Variants in MADD observed in about 807,000 individuals in gnomAD.
The protein encoded by MADD is MAP kinase activating death domain.
Under a neutral mutation model 176.7 loss-of-function variants are expected in MADD, and 109 were observed. The observed-to-expected ratio is 0.62, with a 90% CI of 0.53 to 0.72. The LOEUF (loss-of-function observed/expected upper bound fraction) is 0.72. MADD is among the 30% of genes least tolerant of loss of function. MADD has a pLI of 0.00. For synonymous variants in MADD, 771 were observed against 771.3 expected (o/e 1.00, Z 0.01); for missense variants, 1,914 against 2,045.5 (o/e 0.94, Z 1.24).
At chr11:47,319,366 TAA>T (rs750577971) in intron 27 of MADD, among the ~76,000 whole-genome samples, 1 of 151,694 alleles carries the variant, frequency 6.6e-6, no homozygotes, top group Non-Finnish European at 1.5e-5. Flanking sequence ...CTCCTGACCT[TAA>T]GTGATCCGTC....
intron 25 of MADD, among the ~76,000 whole-genome samples, chr11:47,310,632 G>A (rs555424631): frequency 3.3e-5 from 5 of 151,940 alleles, no homozygotes; most frequent in Non-Finnish European, 7.4e-5. Context: ...AGGACCAGGC[G>A]CGGTGGCTCA....
At position 47,303,659 on chromosome 11, in the gene MADD, G is replaced by A. The variant is rs1467615878; in HGVS notation, c.3643-4932G>A. On this transcript the variant is annotated intron_variant, in intron 22 of 32. Coordinates refer to ENST00000402192, the Ensembl canonical transcript of MADD. Reference sequence around the variant, plus strand: ...CTCACTCTGTCACCCAGGCTGGAGTGTAGTAGTGTGATCTCAGCTCACTGC... The same window carrying A: ...CTCACTCTGTCACCCAGGCTGGAGTATAGTAGTGTGATCTCAGCTCACTGC... Among the ~76,000 whole-genome samples, 4 of 145,678 alleles carry A rather than the reference G, an allele frequency of 2.7e-5. No individual in the cohort carries two copies. The Admixed American group carries it at 2.8e-4, about 10-fold the overall frequency.
chr11:47,278,604 G>A (rs59567949), intron 6 of MADD, among the ~76,000 whole-genome samples: 40,348 of 151,896 alleles, frequency 0.27, 6,422 homozygotes, highest in East Asian at 0.6. Context: ...TTTCCCTGGG[G>A]TATAGTTTCC....
chr11:47,315,509 C>A (rs757845967), intron 27 of MADD, among the ~76,000 whole-genome samples, 182 bp downstream of exon 30: 12 of 152,178 alleles, frequency 7.9e-5, no homozygotes, highest in Admixed American at 5.2e-4. Flanking sequence ...GTGTCTCGCT[C>A]TGTCACCCAG....
chr11:47,287,210 T>A (rs2061329301), intron 15 of MADD, among the ~76,000 whole-genome samples: 1 of 152,060 alleles, frequency 6.6e-6, no homozygotes, highest in Non-Finnish European at 1.5e-5. Context: ...TAATCCCAGC[T>A]ACTTGGGAGG....
At chr11:47,321,860 T>G (rs2094526708) in intron 27 of MADD, among the ~76,000 whole-genome samples, 1 of 151,968 alleles carries the variant, frequency 6.6e-6, no homozygotes, top group Admixed American at 6.6e-5. Flanking sequence ...ATAGCAGACT[T>G]AAAAGGAGGA....
chr11:47,281,372 G>A (rs577050458), intron 7 of MADD, among the ~76,000 whole-genome samples: 4 of 152,338 alleles, frequency 2.6e-5, no homozygotes, highest in African/African-American at 7.2e-5. Context: ...CTAAAGGCTA[G>A]AATATTGGGA....
chr11:47,273,137 T>C (rs1367319735), intron 1 of MADD, among the ~76,000 whole-genome samples: 2 of 152,244 alleles, frequency 1.3e-5, no homozygotes, highest in African/African-American at 2.4e-5. Context: ...GACCTAGAAG[T>C]GCAGGTTAGT....
chr11:47,276,797 C>T lies in MADD; in HGVS notation c.1029C>T (p.Ile343=), dbSNP rs374625071. 6.8e-6 allele frequency: 11 copies of T among 1,614,052 alleles called. No homozygotes were observed. The African/African-American group carries it at 1.5e-4, about 22-fold the overall frequency. ...CTGTGATGGCATTCGTGGCAATGAT[C>T]TACCCACTGGAGTATATGTTTCCTG... is the stretch of plus-strand genomic sequence containing the variant. Residue 343 remains isoleucine (I), a synonymous_variant, in exon 5 of 33, where the codon ATC becomes ATT. Coordinates refer to ENST00000402192, the Ensembl canonical transcript of MADD.
At chr11:47,322,784 A>T (rs2094716361) in intron 27 of MADD, among the ~76,000 whole-genome samples, 1 of 152,208 alleles carries the variant, frequency 6.6e-6, no homozygotes, top group Non-Finnish European at 1.5e-5. Context: ...AAAAGGGTAG[A>T]CCCAGGATTA....
At chr11:47,287,153 G>A (rs549788724) in intron 15 of MADD, among the ~76,000 whole-genome samples, 21 of 152,144 alleles carry the variant, frequency 1.4e-4, no homozygotes, top group Non-Finnish European at 2.4e-4. Flanking sequence ...GCGAAACGCC[G>A]TCTCTGCTAA....
At chr11:47,318,184 C>A (rs749086080) in intron 27 of MADD, among the ~76,000 whole-genome samples, 14 of 152,170 alleles carry the variant, frequency 9.2e-5, no homozygotes, top group Non-Finnish European at 1.6e-4. Flanking sequence ...GTGTTTTCTT[C>A]ATTTCTGTGT....
exon 25 of MADD, chr11:47,309,598 A>G: frequency 1.2e-6 from 2 of 1,613,234 alleles, no homozygotes; most frequent in Admixed American, 1.7e-5. Flanking sequence ...CATCTCCTAC[A>G]TGCTGCTGAT....
At position 47,324,814 on chromosome 11, in the gene MADD, G is replaced by C. The variant is rs531371558; in HGVS notation, c.4542+237G>C. 33 of 666,326 alleles carry C rather than the reference G, an allele frequency of 5.0e-5. No homozygotes were observed. The East Asian group carries it at 8.7e-4, about 17-fold the overall frequency. The allele number at this position is 666,326 out of a possible 1,614,324, so 41.3% of individuals were successfully genotyped here. Reference sequence around the variant, plus strand: ...GTGGGGGAGGCTGGGCAGGAGCGAGGCCAGGTGGCCACGCTGCCCCATCCG... The same window carrying C: ...GTGGGGGAGGCTGGGCAGGAGCGAGCCCAGGTGGCCACGCTGCCCCATCCG... On this transcript the variant is annotated intron_variant, in intron 30 of 32. Transcript: ENST00000402192.
intron 13 of MADD, 92 bp downstream of exon 13, chr11:47,285,286 C>T: frequency 6.4e-7 from 1 of 1,561,498 alleles, no homozygotes; most frequent in South Asian, 1.2e-5. Context: ...TCTGAGAAGT[C>T]TGAATGCTCT....
rs568797429 is a variant in MADD at position 47,329,366 on chromosome 11, G to T, written c.*216G>T. The T allele has an allele frequency of 4.0e-5, 23 of 577,072 alleles. No individual in the cohort carries two copies. In the Admixed American group the frequency reaches 4.1e-4, roughly 10 times the overall value. The allele number at this position is 577,072 out of a possible 1,614,324, so 35.7% of individuals were successfully genotyped here. On this transcript the variant is annotated 3_prime_UTR_variant, in exon 33 of 33. Coordinates refer to ENST00000402192, the Ensembl canonical transcript of MADD. ...CTCTCCACTCCCAGAAGACCAAACT[G>T]CCTTCCCCTCAGGGCTCAAGAATGT...
chr11:47,274,568 C>T (rs560018685), exon 3 of MADD: 33 of 1,606,018 alleles, frequency 2.1e-5, no homozygotes, highest in Non-Finnish European at 2.6e-5. Context: ...TTCAGGCACC[C>T]GAGCAGTGAT....
Position 47,298,310 on chromosome 11 carries a change from A to G in MADD, c.3642+2255A>G, listed in dbSNP as rs76736546. On this transcript the variant is annotated intron_variant, in intron 22 of 32. Coordinates refer to ENST00000402192, the Ensembl canonical transcript of MADD. ...TTGAGCATCTTCTGAACTTTTTACT[A>G]TAAGACATCTCAGTGCTTGCTTGTA... Among the ~76,000 whole-genome samples the G allele has an allele frequency of 9.4e-3, 1,426 of 152,346 alleles. 23 individuals are homozygous for G. Among genetic ancestry groups the G allele is most frequent in the African/African-American group, 0.032 (1,334 of 41,564 alleles).
intron 2 of MADD, 152 bp downstream of exon 2, chr11:47,274,128 A>G (rs778830259): frequency 4.7e-5 from 33 of 705,696 alleles, no homozygotes; most frequent in Non-Finnish European, 7.1e-5. Context: ...TAGGGAAAAA[A>G]CAAAATCAGG....
Sources: allele counts gnomAD v4.1 joint callset (sites outside exome capture counted in the v4.1 genomes callset), GRCh38; gene constraint gnomAD v4.1.1; transcripts MANE v1.5; gene names NCBI Gene and HGNC (gene_info 2026-07-23, HGNC 2026-07-21).